The following CRPPA variants were observed in gnomAD, a reference collection of about 807,000 sequenced individuals.
The protein encoded by CRPPA is CDP-L-ribitol pyrophosphorylase A.
CRPPA carries 43 observed loss-of-function variants against 52.0 expected under a neutral mutation model. That is an observed-to-expected ratio of 0.83 (90% CI 0.65 to 1.07). The LOEUF (loss-of-function observed/expected upper bound fraction) is 1.07. Ranked by LOEUF, CRPPA falls within the 50% of genes least tolerant of loss-of-function variation. The pLI is 0.00. For synonymous variants in CRPPA, 250 were observed against 203.5 expected (o/e 1.23, Z -1.94); for missense variants, 629 against 551.7 (o/e 1.14, Z -1.40).
intron 9 of CRPPA, among the ~76,000 whole-genome samples, chr7:16,094,327 T>C (rs1329426558): frequency 6.6e-6 from 1 of 152,180 alleles, no homozygotes; most frequent in East Asian, 1.9e-4. Context: ...TAGACACACA[T>C]ATATTCAGGA....
intron 2 of CRPPA, among the ~76,000 whole-genome samples, chr7:16,397,448 G>C (rs913921580): frequency 1.3e-5 from 2 of 152,208 alleles, no homozygotes; most frequent in Admixed American, 6.5e-5. Flanking sequence ...TGATGTAACA[G>C]ACGTGACACG....
At chr7:16,109,958 G>T (rs2128366695) in intron 9 of CRPPA, among the ~76,000 whole-genome samples, 1 of 151,950 alleles carries the variant, frequency 6.6e-6, no homozygotes, top group Admixed American at 6.6e-5. Flanking sequence ...ATAGCAACTA[G>T]CCAAGAGAAA....
intron 6 of CRPPA, chr7:16,268,725 T>C (rs915111349): frequency 6.6e-6 from 1 of 152,214 alleles, no homozygotes; most frequent in Non-Finnish European, 1.5e-5. Flanking sequence ...TTCAAATATG[T>C]AATATAGAAT....
intron 8 of CRPPA, among the ~76,000 whole-genome samples, chr7:16,234,096 T>C (rs564161024): frequency 6.4e-4 from 97 of 152,150 alleles, no homozygotes; most frequent in Non-Finnish European, 1.2e-3. Context: ...GTTTTCAACT[T>C]AACATTTCTA....
chr7:16,101,521 T>C (rs1477838841), intron 9 of CRPPA, among the ~76,000 whole-genome samples: 5 of 152,120 alleles, frequency 3.3e-5, no homozygotes, highest in Non-Finnish European at 7.4e-5. Flanking sequence ...TTTTATTGCA[T>C]CTATATGATT....
chr7:16,238,505 T>C (rs1176093152), intron 8 of CRPPA, among the ~76,000 whole-genome samples: 1 of 152,112 alleles, frequency 6.6e-6, no homozygotes, highest in Non-Finnish European at 1.5e-5. Context: ...TGAAAAAATA[T>C]TTTGTAACAG....
At chr7:16,104,785 A>G (rs911666488) in intron 9 of CRPPA, among the ~76,000 whole-genome samples, 1 of 152,086 alleles carries the variant, frequency 6.6e-6, no homozygotes, top group Non-Finnish European at 1.5e-5. Context: ...CTGTAGTCCC[A>G]GCTACTCAGG....
chr7:16,179,038 A>G (rs1218156102), intron 9 of CRPPA, among the ~76,000 whole-genome samples: 6 of 152,188 alleles, frequency 3.9e-5, no homozygotes, highest in African/African-American at 1.4e-4. Flanking sequence ...CTCAATTTAG[A>G]CACTGTTGGA....
intron 5 of CRPPA, among the ~76,000 whole-genome samples, chr7:16,279,494 A>G (rs920902300): frequency 6.6e-6 from 1 of 152,204 alleles, no homozygotes; most frequent in African/African-American, 2.4e-5. Context: ...AGTAGTAGAA[A>G]AAGGATTCAA....
Position 16,421,132 on chromosome 7 carries a change from G to T in CRPPA, c.191C>A (p.Thr64Asn). The change falls in exon 1 of 10, where the codon ACC (threonine) becomes AAC (asparagine). Residue 64 changes from threonine (T) to asparagine (N), a missense_variant. Physicochemically the swap from Thr to Asn is moderately conservative, Grantham distance 65. Coordinates refer to ENST00000407010, the MANE Select transcript of CRPPA (RefSeq NM_001101426.4). ...CAGGATGGGGCAGAATTGCTTCGGG[G>T]TGGGGACCCCCATCCTCTCCCCGCA... Reference protein sequence around the residue: ...GGCGERMGVPTPKQFCPILER... With the variant: ...GGCGERMGVPNPKQFCPILER... The T allele has an allele frequency of 7.5e-7, 1 of 1,328,654 alleles. No homozygotes were observed. Among genetic ancestry groups the T allele is most frequent in the Non-Finnish European group, 9.7e-7 (1 of 1,032,972 alleles). The allele number at this position is 1,328,654 out of a possible 1,614,324, so 82.3% of individuals were successfully genotyped here.
In CRPPA at chr7:16,089,460, T is replaced by TGTATATATGTACGTACATATATACGG. The variant is rs1554267261; in HGVS notation, c.*2209_*2234dup. 260 of 298,672 alleles carry TGTATATATGTACGTACATATATACGG rather than the reference T, an allele frequency of 8.7e-4. 5 individuals are homozygous for TGTATATATGTACGTACATATATACGG. The highest frequency in any genetic ancestry group is 4.0e-3 in the East Asian group (46 of 11,442). The allele number at this position is 298,672 out of a possible 1,614,324, so 18.5% of individuals were successfully genotyped here. A position where few individuals can be genotyped will look rare whatever the true frequency, so the allele number is the denominator to read the frequency against. On this transcript the variant is annotated 3_prime_UTR_variant, in exon 10 of 10. Transcript: ENST00000407010. Reference sequence around the variant, plus strand: ...ATATATGTACGTGCATACATATATGTGTATATATGTACGTACATATATACG... The same window carrying TGTATATATGTACGTACATATATACGG: ...ATATATGTACGTGCATACATATATGTGTATATATGTACGTACATATATACGGGTATATATGTACGTACATATATACG...
intron 2 of CRPPA, among the ~76,000 whole-genome samples, chr7:16,404,309 G>A (rs1787897946): frequency 6.6e-6 from 1 of 152,088 alleles, no homozygotes; most frequent in Non-Finnish European, 1.5e-5. Context: ...TGCATTATGT[G>A]ATTAAATCTT....
At chr7:16,387,073 A>ACG (rs1787302648) in intron 2 of CRPPA, among the ~76,000 whole-genome samples, 1 of 65,094 alleles carries the variant, frequency 1.5e-5, no homozygotes, top group African/African-American at 8.6e-5. Context: ...ATATATATAT[A>ACG]TATATATATA....
chr7:16,123,342 G>A (rs1171886836), intron 9 of CRPPA, among the ~76,000 whole-genome samples: 5 of 152,024 alleles, frequency 3.3e-5, no homozygotes, highest in African/African-American at 7.2e-5. Context: ...TTAACTTGGA[G>A]AAGAGGAATA....
intron 9 of CRPPA, among the ~76,000 whole-genome samples, chr7:16,109,041 C>G (rs565668020): frequency 1.3e-5 from 2 of 151,352 alleles, no homozygotes; most frequent in African/African-American, 4.8e-5. Context: ...AAGACAAACT[C>G]GGCCTTAAGT....
intron 6 of CRPPA, among the ~76,000 whole-genome samples, chr7:16,271,853 A>G (rs1784096723): frequency 6.6e-6 from 1 of 152,210 alleles, no homozygotes; most frequent in African/African-American, 2.4e-5. Flanking sequence ...TGGAAATAGG[A>G]AATCATACTT....
intron 3 of CRPPA, among the ~76,000 whole-genome samples, chr7:16,349,169 G>T (rs981260968): frequency 1.3e-5 from 2 of 152,160 alleles, no homozygotes; most frequent in African/African-American, 4.8e-5. Context: ...GCTACATCTA[G>T]AGGGTCTTGG....
chr7:16,361,944 T>C (rs1786458681), intron 3 of CRPPA, among the ~76,000 whole-genome samples: 1 of 152,096 alleles, frequency 6.6e-6, no homozygotes, highest in South Asian at 2.1e-4. Flanking sequence ...AAACTCCACC[T>C]CCCGGGTTCA....
At position 16,088,745 on chromosome 7, in the gene CRPPA, T is replaced by G. The variant is rs1781751709; in HGVS notation, c.*2950A>C. ...ATCTCTTAAACAACAAAATAATTTC[T>G]CTTTTGGCCAATACTTCTATTCATT... is the stretch of plus-strand genomic sequence containing the variant. On this transcript the variant is annotated 3_prime_UTR_variant, in exon 10 of 10. Coordinates refer to ENST00000407010, the MANE Select transcript of CRPPA (RefSeq NM_001101426.4). 6.4e-6 allele frequency: 1 copy of G among 157,088 alleles called. No homozygotes were observed. 9.7% of individuals were successfully genotyped at this position (157,088 alleles called of 1,614,324 possible).
Sources: allele counts gnomAD v4.1 joint callset (sites outside exome capture counted in the v4.1 genomes callset), GRCh38; gene constraint gnomAD v4.1.1; transcripts MANE v1.5; gene names NCBI Gene and HGNC (gene_info 2026-07-23, HGNC 2026-07-21).